CPNE4: variants seen among roughly 807,000 people sequenced by gnomAD.
The protein encoded by CPNE4 is copine 4, also known as copine-4.
In CPNE4, 25 loss-of-function variants were observed where a neutral mutation model predicts 67.9. That is an observed-to-expected ratio of 0.37 (90% CI 0.27 to 0.51). The LOEUF (loss-of-function observed/expected upper bound fraction) is 0.51. Ranked by LOEUF, CPNE4 falls within the 20% of genes least tolerant of loss-of-function variation. The pLI, the probability that CPNE4 is intolerant of heterozygous loss-of-function variation, is 0.93. For missense variants in CPNE4, 464 were observed against 690.8 expected (o/e 0.67, Z 3.68); for synonymous variants, 242 against 244.9 (o/e 0.99, Z 0.11).
Position 131,594,840 on chromosome 3 carries a change from CAACTT to C in CPNE4, c.682-7263_682-7259del, listed in dbSNP as rs536568474. Reference sequence around the variant, plus strand: ...TGTCTAAATAAACAAGAAACTCCTACAACTTAACTTAATAGCAAAACAAACAAAAA... The same window carrying C: ...TGTCTAAATAAACAAGAAACTCCTACAACTTAATAGCAAAACAAACAAAAA... On this transcript the variant is annotated intron_variant, in intron 7 of 15. Coordinates refer to ENST00000429747, the MANE Select transcript of CPNE4 (RefSeq NM_130808.3). 6.3e-3 allele frequency among the ~76,000 whole-genome samples: 955 copies of C among 152,224 alleles called. 7 individuals are homozygous for C. The highest frequency in any genetic ancestry group is 0.018 in the African/African-American group (751 of 41,540).
chr3:131,905,428 T>A lies in CPNE4; in HGVS notation c.16A>T (p.Asn6Tyr), dbSNP rs1479658028. Residue 6 changes from asparagine to tyrosine, a missense_variant, in exon 2 of 16, where the codon AAC becomes TAC. Around this residue, in one of 6 missense-constraint regions of CPNE4, gnomAD observed 170 missense variants for 203.3 expected, o/e 0.84. Coordinates refer to ENST00000429747, the MANE Select transcript of CPNE4 (RefSeq NM_130808.3). The part of the protein sequence containing the change: MKKMS[N>Y]IYESAANTLG... Reference sequence around the variant, plus strand: ...GTGTTGGCAGCGGACTCATAAATGTTGCTCATCTTCTTCATTCTGTTTTAG... The same window carrying A: ...GTGTTGGCAGCGGACTCATAAATGTAGCTCATCTTCTTCATTCTGTTTTAG... 2 of 1,612,586 alleles carry A rather than the reference T, an allele frequency of 1.2e-6. No individual in the cohort carries two copies. The highest frequency in any genetic ancestry group is 1.7e-6 in the Non-Finnish European group (2 of 1,179,312).
intron 2 of CPNE4, among the ~76,000 whole-genome samples, chr3:131,780,141 C>T (rs2083396534): frequency 6.6e-6 from 1 of 152,072 alleles, no homozygotes; most frequent in African/African-American, 2.4e-5. Context: ...TATCATCTCA[C>T]ATCAGTCAGA....
intron 1 of CPNE4, among the ~76,000 whole-genome samples, chr3:131,956,084 C>T (rs1025788225): frequency 1.4e-5 from 2 of 138,650 alleles, no homozygotes; most frequent in African/African-American, 5.1e-5. Context: ...AAATTCTTCT[C>T]GTATTTTTTA....
intron 10 of CPNE4, among the ~76,000 whole-genome samples, chr3:131,566,242 A>G (rs1327234500): frequency 6.6e-6 from 1 of 151,920 alleles, no homozygotes; most frequent in Non-Finnish European, 1.5e-5. Context: ...TGCCTGGAAT[A>G]AACTCTTCGT....
chr3:131,552,596 A>G, intron 12 of CPNE4, 105 bp from the exon 13 acceptor site: 3 of 799,746 alleles, frequency 3.8e-6, no homozygotes, highest in Admixed American at 2.0e-5. Flanking sequence ...TGCCCATTAT[A>G]TTCATTATGT....
intron 8 of CPNE4, among the ~76,000 whole-genome samples, chr3:131,586,660 C>A (rs1415723851): frequency 1.3e-5 from 2 of 152,248 alleles, no homozygotes; most frequent in East Asian, 3.9e-4. Flanking sequence ...GGAAATTGGG[C>A]AGGTGAACAA....
chr3:131,613,308 A>T (rs1189092583), intron 7 of CPNE4, among the ~76,000 whole-genome samples: 1 of 152,142 alleles, frequency 6.6e-6, no homozygotes, highest in Non-Finnish European at 1.5e-5. Flanking sequence ...TACATTTTTC[A>T]TGGCAAGTCC....
In CPNE4 at chr3:131,781,479, TA is replaced by T. The variant is rs150563844; in HGVS notation, c.181-57855del. On this transcript the variant is annotated intron_variant, in intron 2 of 15. Coordinates refer to ENST00000429747, the MANE Select transcript of CPNE4 (RefSeq NM_130808.3). ...GAACAAATAATAAATGAACAATAAA[TA>T]TGTGAAGGCCATTCAGAATCTCAGT... Among the ~76,000 whole-genome samples, 1,496 of 152,184 alleles carry T rather than the reference TA, an allele frequency of 9.8e-3. 62 individuals are homozygous for T. In the East Asian group the frequency reaches 0.11, roughly 11 times the overall value.
chr3:131,574,847 G>T (rs1937510585), intron 10 of CPNE4, among the ~76,000 whole-genome samples: 1 of 152,110 alleles, frequency 6.6e-6, no homozygotes, highest in Admixed American at 6.6e-5. Context: ...GAGGTTGAGT[G>T]GCATAAATTT....
chr3:131,868,489 G>A (rs1409011967), intron 2 of CPNE4, among the ~76,000 whole-genome samples: 1 of 152,172 alleles, frequency 6.6e-6, no homozygotes, highest in Admixed American at 6.5e-5. Flanking sequence ...CCATGCATCT[G>A]CTTTAGCAGG....
intron 2 of CPNE4, among the ~76,000 whole-genome samples, chr3:131,760,627 C>A (rs1272237244): frequency 6.6e-6 from 1 of 152,142 alleles, no homozygotes; most frequent in Non-Finnish European, 1.5e-5. Context: ...ACAGGGTACA[C>A]ACCCATTTGC....
At chr3:132,019,856 CTATT>C (rs1394797309) in intron 1 of CPNE4, among the ~76,000 whole-genome samples, 3 of 152,182 alleles carry the variant, frequency 2.0e-5, no homozygotes, top group Admixed American at 6.5e-5. Context: ...CAGATAAAGT[CTATT>C]TATGCAACAT....
chr3:131,830,819 G>C (rs1231415438), intron 2 of CPNE4, among the ~76,000 whole-genome samples: 1 of 151,936 alleles, frequency 6.6e-6, no homozygotes, highest in African/African-American at 2.4e-5. Context: ...CATATAGTAG[G>C]TACTGAATAA....
At chr3:131,805,642 A>G (rs1479208266) in intron 2 of CPNE4, among the ~76,000 whole-genome samples, 1 of 152,188 alleles carries the variant, frequency 6.6e-6, no homozygotes, top group East Asian at 1.9e-4. Flanking sequence ...GCCGGCTGTC[A>G]GCCAGAACAC....
At chr3:131,781,531 T>A (rs2083432108) in intron 2 of CPNE4, among the ~76,000 whole-genome samples, 1 of 152,106 alleles carries the variant, frequency 6.6e-6, no homozygotes, top group African/African-American at 2.4e-5. Flanking sequence ...AGTCTCCTTC[T>A]AAATAAAAGA....
chr3:131,850,774 C>T (rs890227910), intron 2 of CPNE4, among the ~76,000 whole-genome samples: 1 of 151,996 alleles, frequency 6.6e-6, no homozygotes, highest in African/African-American at 2.4e-5. Flanking sequence ...TTCATTTAAC[C>T]CCCATAATAA....
At chr3:131,810,898 C>A (rs1038909975) in intron 2 of CPNE4, among the ~76,000 whole-genome samples, 1 of 151,824 alleles carries the variant, frequency 6.6e-6, no homozygotes, top group Non-Finnish European at 1.5e-5. Flanking sequence ...CTTGATAGAC[C>A]CGAATAGCAT....
chr3:131,817,229 C>T (rs1407525679), intron 2 of CPNE4, among the ~76,000 whole-genome samples: 3 of 151,838 alleles, frequency 2.0e-5, no homozygotes, highest in African/African-American at 7.3e-5. Context: ...GGAGTGTAGC[C>T]GTGATGTGCA....
At chr3:131,539,742 G>A (rs992787538) in intron 15 of CPNE4, among the ~76,000 whole-genome samples, 1 of 152,102 alleles carries the variant, frequency 6.6e-6, no homozygotes, top group Non-Finnish European at 1.5e-5. Flanking sequence ...GTGATTTGGG[G>A]AAGTTAATGA....
Sources: allele counts gnomAD v4.1 joint callset (sites outside exome capture counted in the v4.1 genomes callset), GRCh38; gene constraint gnomAD v4.1.1; regional missense constraint gnomAD v4.1.1; transcripts MANE v1.5; gene names NCBI Gene and HGNC (gene_info 2026-07-23, HGNC 2026-07-21).